ASMTL: variants seen among roughly 807,000 people sequenced by gnomAD.
The protein encoded by ASMTL is probable bifunctional dTTP/UTP pyrophosphatase/methyltransferase protein.
Under a neutral mutation model 60.3 loss-of-function variants are expected in ASMTL, and 57 were observed. The ratio of observed to expected loss-of-function variants is 0.95; its 90% CI spans 0.76 to 1.18. The LOEUF is 1.18. Among genes scored for constraint, ASMTL ranks in the 50% most tolerant of loss-of-function variants. ASMTL has a pLI of 0.00. For missense variants in ASMTL, 981 were observed against 852.6 expected, an observed-to-expected ratio of 1.15 and a Z score of -1.88; for synonymous variants, 419 against 373.0, an observed-to-expected ratio of 1.12 and a Z score of -1.42.
Position 1,435,174 on chromosome X carries a change from C to T in ASMTL, c.339-91G>A, listed in dbSNP as rs760899851. Reference sequence around the variant, plus strand: ...CTCAAAACCAGGGGAGGCAGCGAGGCGTCCTTAATCCTGGATCCGTCCCCA... The same window carrying T: ...CTCAAAACCAGGGGAGGCAGCGAGGTGTCCTTAATCCTGGATCCGTCCCCA... On this transcript the variant is annotated intron_variant, in intron 4 of 12. Transcript: ENST00000381317. 6.2e-5 allele frequency: 83 copies of T among 1,333,836 alleles called. No homozygotes were observed. In the South Asian group the frequency reaches 6.6e-4, roughly 11 times the overall value. 82.6% of individuals were successfully genotyped at this position (1,333,836 alleles called of 1,614,324 possible). A position where few individuals can be genotyped will look rare whatever the true frequency, so the allele number is the denominator to read the frequency against.
chrX:1,452,313 C>A (rs142094487), intron 1 of ASMTL, among the ~76,000 whole-genome samples: 11,742 of 143,662 alleles, frequency 0.082, 1,660 homozygotes, highest in African/African-American at 0.29. Flanking sequence ...CTCCCCATCC[C>A]CAACCCTGGA....
At chrX:1,421,496 C>T (rs749656950) in intron 9 of ASMTL, 162 bp downstream of exon 9, 2 of 226,736 alleles carry the variant, frequency 8.8e-6, no homozygotes, top group African/African-American at 4.7e-5. Context: ...GGCTGAGTGA[C>T]ACAAGAGCCA....
At chrX:1,426,613 G>T (rs1298597815) in intron 7 of ASMTL, among the ~76,000 whole-genome samples, 1 of 152,148 alleles carries the variant, frequency 6.6e-6, no homozygotes, top group Non-Finnish European at 1.5e-5. Flanking sequence ...AGCACTTTAG[G>T]AGGCCGAGGC....
At chrX:1,419,184 G>A (rs2090405048) in intron 9 of ASMTL, 70 bp from the exon 10 acceptor site, 12 of 1,571,684 alleles carry the variant, frequency 7.6e-6, no homozygotes, top group Non-Finnish European at 1.0e-5. Flanking sequence ...TCTCCCTGGG[G>A]GTCGGGGGGA....
intron 3 of ASMTL, among the ~76,000 whole-genome samples, chrX:1,438,063 C>T (rs1347680618): frequency 2.6e-5 from 4 of 151,196 alleles, no homozygotes; most frequent in African/African-American, 2.4e-5. Flanking sequence ...CTAAGGTGGG[C>T]AGATCACTTG....
rs191682412 is a variant in ASMTL, at chrX:1,418,071, C to T, written c.1424G>A (p.Arg475His). ...LARELAREYPRMQVTVFDLPD... is the reference protein window; with the variant it reads ...LARELAREYPHMQVTVFDLPD... ...GAGGTCAAACACAGTCACCTGCATA[C>T]GAGGGTACTCACGGGCCAGCTCTCG... The change falls in exon 11 of 13, where the codon CGT (arginine) becomes CAT (histidine). Residue 475 changes from arginine to histidine, a missense_variant. Arg to His is a conservative substitution (Grantham distance 29). Coordinates refer to ENST00000381317, the MANE Select transcript of ASMTL (RefSeq NM_004192.4). 206 of 1,613,166 alleles carry T rather than the reference C, an allele frequency of 1.3e-4. 1 individual carries two copies. The African/African-American group carries it at 2.4e-3, about 19-fold the overall frequency.
At chrX:1,436,511 C>T (rs1484111050) in intron 3 of ASMTL, among the ~76,000 whole-genome samples, 2 of 152,154 alleles carry the variant, frequency 1.3e-5, no homozygotes, top group African/African-American at 2.4e-5. Flanking sequence ...CGCCACCACA[C>T]CCGGCTAATT....
chrX:1,411,806 C>CTTTTTTTTTTTTTTTTTTT (rs756437483), intron 12 of ASMTL, among the ~76,000 whole-genome samples: 1 of 86,144 alleles, frequency 1.2e-5, no homozygotes. Context: ...TTAGGATTTT[C>CTTTTTTTTTTTTTTTTTTT]TTTTTTTTTT....
rs765866878 is a variant in ASMTL at position 1,412,748 on chromosome X, G to A, written c.1629C>T (p.Ala543=). The part of the protein sequence containing the change: ...DKVHKLLSRV[A]ESCKPGAGLL... ...GGCTCTCACCTGGCTTGCAGCTCTC[G>A]GCGACCCTGCTGAGTAACTTGTGGA... Residue 543 remains alanine, a synonymous_variant, in exon 12 of 13, where the codon GCC becomes GCT. Coordinates refer to ENST00000381317, the MANE Select transcript of ASMTL (RefSeq NM_004192.4). The A allele has an allele frequency of 1.1e-5, 18 of 1,613,808 alleles. No homozygotes were observed. In the East Asian group the frequency reaches 1.3e-4, roughly 12 times the overall value.
intron 4 of ASMTL, 51 bp from the exon 5 acceptor site, chrX:1,435,134 C>G: frequency 6.3e-7 from 1 of 1,598,366 alleles, no homozygotes; most frequent in South Asian, 1.1e-5. Flanking sequence ...CCCGTGGGAG[C>G]TACAAAGCGA....
Position 1,406,555 on chromosome X carries a change from T to C in ASMTL, c.1646-3066A>G, listed in dbSNP as rs754517823. Among the ~76,000 whole-genome samples the C allele has an allele frequency of 2.1e-5, 3 of 145,458 alleles. No homozygotes were observed. The South Asian group carries it at 6.5e-4, about 31-fold the overall frequency. ...GGTAGATGATGGGTAGGTAGGTGGA[T>C]GGATGGATGGATAGATGGCATGGAT... On this transcript the variant is annotated intron_variant, in intron 12 of 12. Coordinates refer to ENST00000381317, the MANE Select transcript of ASMTL (RefSeq NM_004192.4).
chrX:1,439,059 A>G lies in ASMTL; in HGVS notation c.273+38T>C, dbSNP rs763858612. ...GAATCACCAAGCACAGGAAAACCAC[A>G]TCGGACATTAGAAACGAGGCACCCT... is the stretch of plus-strand genomic sequence containing the variant. On this transcript the variant is annotated intron_variant, in intron 3 of 12. Transcript: ENST00000381317. 18 of 1,610,408 alleles carry G rather than the reference A, an allele frequency of 1.1e-5. No individual in the cohort carries two copies. The African/African-American group carries it at 1.7e-4, about 16-fold the overall frequency.
chrX:1,432,088 C>T, intron 6 of ASMTL, 181 bp downstream of exon 6: 1 of 613,596 alleles, frequency 1.6e-6, no homozygotes, highest in East Asian at 2.7e-5. Flanking sequence ...CTCTTTGAGC[C>T]TCCATGGGTC....
At chrX:1,420,816 CAG>C (rs1216207554) in intron 9 of ASMTL, among the ~76,000 whole-genome samples, 31 of 152,208 alleles carry the variant, frequency 2.0e-4, no homozygotes, top group African/African-American at 7.5e-4. Context: ...ATTTTTCAGA[CAG>C]AGTCTTGTTC....
intron 9 of ASMTL, among the ~76,000 whole-genome samples, chrX:1,419,846 C>A (rs1364326654): frequency 1.3e-5 from 2 of 152,226 alleles, no homozygotes; most frequent in African/African-American, 2.4e-5. Context: ...GATGCCCACG[C>A]TGGCTGCTCA....
At chrX:1,420,319 CTCTG>C (rs1324869675) in intron 9 of ASMTL, among the ~76,000 whole-genome samples, 4 of 146,564 alleles carry the variant, frequency 2.7e-5, no homozygotes, top group Non-Finnish European at 3.1e-5. Context: ...ATCTCCCTGT[CTCTG>C]TCTGCCTCCA....
chrX:1,435,046 C>T lies in ASMTL; in HGVS notation c.376G>A (p.Ala126Thr), dbSNP rs374727829. The part of the protein sequence containing the change: ...GREHSVFTGV[A>T]IVHCSSKDHQ... ...CCTTTGCTGGAGCAGTGGACGATCG[C>T]GACACCTGTGAACACGCTGTGTTCT... The change falls in exon 5 of 13, where the codon GCG (alanine) becomes ACG (threonine). Residue 126 changes from alanine to threonine, a missense_variant. Coordinates refer to ENST00000381317, the MANE Select transcript of ASMTL (RefSeq NM_004192.4). 2.6e-5 allele frequency: 42 copies of T among 1,609,522 alleles called. No homozygotes were observed. Among genetic ancestry groups the T allele is most frequent in the Middle Eastern group, 1.7e-4 (1 of 6,034 alleles).
chrX:1,435,699 C>G lies in ASMTL; in HGVS notation c.333G>C (p.Leu111=), dbSNP rs1174678322. 1.2e-6 allele frequency: 2 copies of G among 1,613,496 alleles called. No homozygotes were observed. The highest frequency in any genetic ancestry group is 1.3e-5 in the African/African-American group (1 of 74,862). ...PVDKQDAYRM[L]SRLSGREHSV... ...GAGGCCAACATGGTGCTTACCGGGA[C>G]AGCATCCTGTAGGCGTCCTGCTTGT... Residue 111 remains leucine (L), a synonymous_variant, in exon 4 of 13, where the codon CTG becomes CTC. Coordinates refer to ENST00000381317, the MANE Select transcript of ASMTL (RefSeq NM_004192.4).
chrX:1,412,017 A>G (rs1174086931), intron 12 of ASMTL, among the ~76,000 whole-genome samples: 26 of 151,748 alleles, frequency 1.7e-4, no homozygotes, highest in South Asian at 2.1e-4. Context: ...GGGTTTCACC[A>G]TGTTGGCCAG....
Sources: allele counts gnomAD v4.1 joint callset (sites outside exome capture counted in the v4.1 genomes callset), GRCh38; gene constraint gnomAD v4.1.1; transcripts MANE v1.5; gene names NCBI Gene and HGNC (gene_info 2026-07-23, HGNC 2026-07-21).